KDR: variants seen among roughly 807,000 people sequenced by gnomAD.
KDR encodes vascular endothelial growth factor receptor 2.
KDR carries 43 observed loss-of-function variants against 160.9 expected under a neutral mutation model. The ratio of observed to expected loss-of-function variants is 0.27; its 90% CI spans 0.21 to 0.34. The LOEUF (loss-of-function observed/expected upper bound fraction) is 0.34. Ranked by LOEUF, KDR falls within the 10% of genes least tolerant of loss-of-function variation. The probability of loss-of-function intolerance (pLI) is 1.00; values close to 1 mark genes in which losing one functional copy is unlikely to be tolerated. For missense variants in KDR, 1,469 were observed against 1,666.4 expected, an observed-to-expected ratio of 0.88 and a Z score of 2.06; for synonymous variants, 617 against 600.1, an observed-to-expected ratio of 1.03 and a Z score of -0.41.
chr4:55,098,648 T>G, intron 16 of KDR, 49 bp downstream of exon 16: 1 of 1,374,758 alleles, frequency 7.3e-7, no homozygotes, highest in Non-Finnish European at 1.0e-6. Context: ...CAGTTTTCAT[T>G]AATCATGAAA....
rs2110021166 is a variant in KDR at position 55,102,410 on chromosome 4, G to C, written c.2086C>G (p.Pro696Ala). 1 of 1,613,570 alleles carries C rather than the reference G, an allele frequency of 6.2e-7. No homozygotes were observed. Among genetic ancestry groups the C allele is most frequent in the Non-Finnish European group, 8.5e-7 (1 of 1,179,580 alleles). ...VSCTASGNPP[P>A]QIMWFKDNET... Reference sequence around the variant, plus strand: ...TTATCTTTAAACCACATGATCTGTGGAGGGGGATTCCCAGATGCCGTGCAT... The same window carrying C: ...TTATCTTTAAACCACATGATCTGTGCAGGGGGATTCCCAGATGCCGTGCAT... The change falls in exon 14 of 30, where the codon CCA becomes GCA. Residue 696 changes from proline to alanine, a missense_variant. This residue lies in a region of KDR where 39 missense variants were observed against 72.1 expected (regional missense o/e 0.54). Coordinates refer to ENST00000263923, the MANE Select transcript of KDR (RefSeq NM_002253.4).
At chr4:55,114,296 TGA>T in intron 5 of KDR, 31 bp from the exon 6 acceptor site, 1 of 1,608,162 alleles carries the variant, frequency 6.2e-7, no homozygotes. Flanking sequence ...AAACAGAACA[TGA>T]GAGAGCAAAT....
chr4:55,090,873 T>TC (rs1719995586), intron 22 of KDR, among the ~76,000 whole-genome samples: 1 of 128,954 alleles, frequency 7.8e-6, no homozygotes, highest in African/African-American at 3.1e-5. Flanking sequence ...TTTTTTTTTT[T>TC]TGAGAAGGAA....
intron 22 of KDR, among the ~76,000 whole-genome samples, chr4:55,091,560 G>A (rs987138068): frequency 7.2e-5 from 11 of 152,102 alleles, no homozygotes; most frequent in African/African-American, 1.2e-4. Context: ...AACCCTATAA[G>A]GTCCCAGTTC....
intron 26 of KDR, among the ~76,000 whole-genome samples, chr4:55,088,211 T>A (rs1454190864): frequency 1.3e-5 from 2 of 152,160 alleles, no homozygotes; most frequent in African/African-American, 4.8e-5. Context: ...GGAAAATGGG[T>A]CTTTTGAGAA....
rs563106038 is a variant in KDR, at chr4:55,084,536, G to C, written c.3663-1901C>G. On this transcript the variant is annotated intron_variant, in intron 27 of 29. Coordinates refer to ENST00000263923, the MANE Select transcript of KDR (RefSeq NM_002253.4). ...TCATGATTGACAAAGCATTTTCACAGACAATGGTGCATCTGTTTCTCCTAA... is the reference window on the plus strand; with the variant it reads ...TCATGATTGACAAAGCATTTTCACACACAATGGTGCATCTGTTTCTCCTAA... Among the ~76,000 whole-genome samples, 6 of 152,268 alleles carry C rather than the reference G, an allele frequency of 3.9e-5. No individual in the cohort carries two copies. The South Asian group carries it at 6.2e-4, about 16-fold the overall frequency.
chr4:55,081,499 C>T (rs867177972), intron 29 of KDR, among the ~76,000 whole-genome samples: 17 of 152,244 alleles, frequency 1.1e-4, no homozygotes, highest in African/African-American at 3.9e-4. Context: ...TGAAATACTT[C>T]GAATTCAGAC....
At chr4:55,113,203 T>C (rs779632973) in intron 7 of KDR, 101 bp downstream of exon 7, 4 of 1,296,980 alleles carry the variant, frequency 3.1e-6, no homozygotes, top group Middle Eastern at 1.8e-4. Context: ...AACTAGAAAC[T>C]ATCTTCTGAA....
chr4:55,099,565 G>A (rs915649683), intron 15 of KDR, among the ~76,000 whole-genome samples: 40 of 152,180 alleles, frequency 2.6e-4, no homozygotes, highest in African/African-American at 9.4e-4. Flanking sequence ...ATTTTGATCT[G>A]TGCAGAGTTT....
chr4:55,089,202 C>T (rs1719944306), intron 25 of KDR, among the ~76,000 whole-genome samples, 172 bp downstream of exon 25: 1 of 152,114 alleles, frequency 6.6e-6, no homozygotes, highest in African/African-American at 2.4e-5. Context: ...TAATAAAGTA[C>T]TATCTTTTCA....
At chr4:55,085,500 C>G (rs1053204306) in intron 27 of KDR, among the ~76,000 whole-genome samples, 1 of 152,110 alleles carries the variant, frequency 6.6e-6, no homozygotes, top group East Asian at 1.9e-4. Flanking sequence ...GAGAAGTACC[C>G]CAGCCTCAAC....
chr4:55,114,007 G>T, intron 6 of KDR, 119 bp downstream of exon 6: 2 of 966,678 alleles, frequency 2.1e-6, no homozygotes, highest in South Asian at 1.3e-5. Flanking sequence ...GTGTGTATGT[G>T]TGTGTGTTTA....
chr4:55,125,388 CGGCACCCCGCAGCG>C lies in KDR; in HGVS notation c.-109_-96del. The C allele has an allele frequency of 6.9e-7, 1 of 1,440,234 alleles. No individual in the cohort carries two copies. The highest frequency in any genetic ancestry group is 9.5e-7 in the Non-Finnish European group (1 of 1,056,266). 89.2% of individuals were successfully genotyped at this position (1,440,234 alleles called of 1,614,324 possible). On this transcript the variant is annotated 5_prime_UTR_variant, in exon 1 of 30. An upstream open reading frame in the 5' UTR loses its in-frame stop. Coordinates refer to ENST00000263923, the MANE Select transcript of KDR (RefSeq NM_002253.4). ...GAAGGAGGCGCGGAGGTGGAACTCG[CGGCACCCCGCAGCG>C]CAGGACAGTTGAGCGCACAGGGCTA...
At position 55,078,739 on chromosome 4, in the gene KDR, G is replaced by A. The variant is rs1211120506; in HGVS notation, c.*1202C>T. The A allele has an allele frequency of 4.3e-6, 1 of 232,558 alleles. No individual in the cohort carries two copies. Among genetic ancestry groups the A allele is most frequent in the African/African-American group, 2.2e-5 (1 of 45,262 alleles). The allele number at this position is 232,558 out of a possible 1,614,324, so 14.4% of individuals were successfully genotyped here. A position where few individuals can be genotyped will look rare whatever the true frequency, so the allele number is the denominator to read the frequency against. On this transcript the variant is annotated 3_prime_UTR_variant, in exon 30 of 30. Coordinates refer to ENST00000263923, the MANE Select transcript of KDR (RefSeq NM_002253.4). Reference sequence around the variant, plus strand: ...ATTTTCTTTTTTGAAAAAAAGGACAGAACAAGGGCAAAAATCAGTAGAAAT... The same window carrying A: ...ATTTTCTTTTTTGAAAAAAAGGACAAAACAAGGGCAAAAATCAGTAGAAAT...
chr4:55,096,165 C>G, intron 19 of KDR, 64 bp downstream of exon 19: 1 of 881,016 alleles, frequency 1.1e-6, no homozygotes, highest in Non-Finnish European at 1.9e-6. Flanking sequence ...TGACTGCTTT[C>G]CCTCAAACAC....
Position 55,121,147 on chromosome 4 carries a change from T to C in KDR, c.111A>G (p.Gln37=), listed in dbSNP as rs751176175. ...TAGCCTTAATTGTAAGTATGTCTTTTTGTATGCTGAGCCTGGGCAGATCAA... is the reference window on the plus strand; with the variant it reads ...TAGCCTTAATTGTAAGTATGTCTTTCTGTATGCTGAGCCTGGGCAGATCAA... ...VSLDLPRLSI[Q]KDILTIKANT... Residue 37 remains glutamine, a synonymous_variant, in exon 2 of 30, where the codon CAA becomes CAG. Transcript: ENST00000263923. The C allele has an allele frequency of 1.9e-6, 3 of 1,613,860 alleles. No homozygotes were observed. Among genetic ancestry groups the C allele is most frequent in the Non-Finnish European group, 2.5e-6 (3 of 1,179,802 alleles).
At chr4:55,098,862 A>C (rs766826057) in intron 15 of KDR, 59 bp from the exon 16 acceptor site, 7 of 1,372,666 alleles carry the variant, frequency 5.1e-6, no homozygotes, top group Non-Finnish European at 7.3e-6. Flanking sequence ...TTTGTTTGTA[A>C]GATGACAAAT....
intron 22 of KDR, among the ~76,000 whole-genome samples, chr4:55,091,033 A>C (rs1720000256): frequency 6.6e-6 from 1 of 151,872 alleles, no homozygotes; most frequent in Non-Finnish European, 1.5e-5. Flanking sequence ...TTATATTTTT[A>C]GTAGAGACGG....
intron 11 of KDR, among the ~76,000 whole-genome samples, chr4:55,106,331 A>C (rs889279209): frequency 6.6e-6 from 1 of 152,160 alleles, no homozygotes; most frequent in Non-Finnish European, 1.5e-5. Flanking sequence ...CAATTTGTAT[A>C]ATTATGCTGC....
Sources: gnomAD v4.1 joint callset for allele counts (sites outside exome capture counted in the v4.1 genomes callset) on GRCh38, gnomAD v4.1.1 for gene constraint, gnomAD v4.1.1 regional missense constraint, MANE v1.5 for transcripts, NCBI Gene and HGNC (gene_info 2026-07-23, HGNC 2026-07-21) for gene names.